The following GHR variants were observed in gnomAD, a reference collection of about 807,000 sequenced individuals.
GHR encodes growth hormone receptor.
Under a neutral mutation model 67.1 loss-of-function variants are expected in GHR, and 35 were observed. That is an observed-to-expected ratio of 0.52 (90% CI 0.40 to 0.69). The LOEUF (loss-of-function observed/expected upper bound fraction) is 0.69. Among genes scored for constraint, GHR ranks in the 30% least tolerant of loss-of-function variants. GHR has a pLI of 0.00. For missense variants in GHR, 792 were observed against 764.6 expected (o/e 1.04, Z -0.42); for synonymous variants, 272 against 269.1 (o/e 1.01, Z -0.10).
chr5:42,529,247 G>A (rs537903767), intron 1 of GHR, among the ~76,000 whole-genome samples: 32 of 152,164 alleles, frequency 2.1e-4, no homozygotes, highest in Admixed American at 1.6e-3. Flanking sequence ...TCCTGACCAC[G>A]TGATCCACCC....
intron 2 of GHR, among the ~76,000 whole-genome samples, chr5:42,627,676 G>T (rs1205646081): frequency 6.6e-6 from 1 of 152,238 alleles, no homozygotes. Context: ...ACGGTCAGGT[G>T]CAAAGGCTGG....
chr5:42,546,984 T>C (rs1462581553), intron 1 of GHR, among the ~76,000 whole-genome samples: 1 of 152,222 alleles, frequency 6.6e-6, no homozygotes, highest in African/African-American at 2.4e-5. Context: ...CAGGTGTTTA[T>C]GGACCACTGA....
chr5:42,546,423 G>A (rs1748733533), intron 1 of GHR, among the ~76,000 whole-genome samples: 1 of 152,286 alleles, frequency 6.6e-6, no homozygotes, highest in East Asian at 1.9e-4. Context: ...AGCAGGGTGA[G>A]GAGGGGAAGT....
chr5:42,476,852 C>G (rs1745347775), intron 1 of GHR, among the ~76,000 whole-genome samples: 1 of 152,096 alleles, frequency 6.6e-6, no homozygotes. Flanking sequence ...TCTTCTCACA[C>G]ACACTTGTGA....
intron 1 of GHR, among the ~76,000 whole-genome samples, chr5:42,445,799 T>C (rs1026210806): frequency 6.6e-6 from 1 of 152,160 alleles, no homozygotes; most frequent in African/African-American, 2.4e-5. Flanking sequence ...AAAGCAAAAT[T>C]TTTTTGTTGG....
At chr5:42,475,042 C>T (rs1011765217) in intron 1 of GHR, among the ~76,000 whole-genome samples, 1 of 151,910 alleles carries the variant, frequency 6.6e-6, no homozygotes, top group Non-Finnish European at 1.5e-5. Context: ...TGCCACCACA[C>T]CTGGCTAATT....
intron 2 of GHR, among the ~76,000 whole-genome samples, chr5:42,605,263 C>A (rs555435867): frequency 1.3e-5 from 2 of 151,878 alleles, no homozygotes; most frequent in South Asian, 4.2e-4. Context: ...ACCAACACGC[C>A]CGGCTAATTT....
At chr5:42,495,911 C>A (rs1746303931) in intron 1 of GHR, among the ~76,000 whole-genome samples, 1 of 152,164 alleles carries the variant, frequency 6.6e-6, no homozygotes, top group Admixed American at 6.5e-5. Flanking sequence ...TGCATGCCTT[C>A]TTTGGATACA....
intron 3 of GHR, among the ~76,000 whole-genome samples, chr5:42,641,127 T>C (rs1461973809): frequency 1.3e-5 from 2 of 152,122 alleles, no homozygotes; most frequent in Non-Finnish European, 2.9e-5. Context: ...TTCCTTTCCT[T>C]CCTCCTTCCC....
chr5:42,635,032 G>T (rs533271806), intron 3 of GHR, among the ~76,000 whole-genome samples: 2 of 152,014 alleles, frequency 1.3e-5, no homozygotes, highest in East Asian at 3.9e-4. Context: ...TTGAGCTTTG[G>T]ACAAGCAGTA....
intron 3 of GHR, among the ~76,000 whole-genome samples, chr5:42,644,428 T>C (rs55759342): frequency 0.014 from 2,143 of 152,220 alleles, 19 homozygotes; most frequent in Middle Eastern, 0.027. Flanking sequence ...GTCTGGTTTC[T>C]GCAATAACAG....
chr5:42,553,315 G>A (rs1212755258), intron 1 of GHR, among the ~76,000 whole-genome samples: 1 of 152,136 alleles, frequency 6.6e-6, no homozygotes, highest in Non-Finnish European at 1.5e-5. Flanking sequence ...CATGAACTGA[G>A]TTCCTTGTCA....
intron 2 of GHR, among the ~76,000 whole-genome samples, chr5:42,622,835 A>T (rs1344404940): frequency 6.6e-6 from 1 of 152,182 alleles, no homozygotes; most frequent in African/African-American, 2.4e-5. Context: ...AATCATTGCC[A>T]TAAGTAGATT....
chr5:42,552,012 T>C (rs1295496003), intron 1 of GHR, among the ~76,000 whole-genome samples: 1 of 152,242 alleles, frequency 6.6e-6, no homozygotes, highest in East Asian at 1.9e-4. Flanking sequence ...AAAGTTTATG[T>C]GTCTGTCCCT....
At chr5:42,563,624 C>CAAAAAAAAA (rs1168788232) in intron 1 of GHR, among the ~76,000 whole-genome samples, 8 of 45,080 alleles carry the variant, frequency 1.8e-4, no homozygotes, top group African/African-American at 4.3e-4. Flanking sequence ...GACTCCGTCT[C>CAAAAAAAAA]AAAAAAAAAA....
chr5:42,449,212 A>G (rs1246386677), intron 1 of GHR, among the ~76,000 whole-genome samples: 1 of 152,148 alleles, frequency 6.6e-6, no homozygotes, highest in African/African-American at 2.4e-5. Flanking sequence ...AAATTTGTAG[A>G]TTGCTTTTGG....
chr5:42,530,827 C>T (rs781265277), intron 1 of GHR, among the ~76,000 whole-genome samples: 4 of 152,118 alleles, frequency 2.6e-5, no homozygotes, highest in Non-Finnish European at 4.4e-5. Context: ...TCTAGATAAG[C>T]AGTTGAAACT....
intron 1 of GHR, among the ~76,000 whole-genome samples, chr5:42,511,306 G>A (rs1232569541): frequency 6.6e-6 from 1 of 152,084 alleles, no homozygotes; most frequent in East Asian, 1.9e-4. Flanking sequence ...CCCCAACAAC[G>A]TTCTCTACTT....
chr5:42,497,149 GTTA>G (rs1448673232), intron 1 of GHR, among the ~76,000 whole-genome samples: 1 of 152,144 alleles, frequency 6.6e-6, no homozygotes, highest in Non-Finnish European at 1.5e-5. Context: ...TCATTCCTAA[GTTA>G]CTTTAGCCTT....
Sources: gnomAD v4.1 joint callset for allele counts (sites outside exome capture counted in the v4.1 genomes callset) on GRCh38, gnomAD v4.1.1 for gene constraint, MANE v1.5 for transcripts, NCBI Gene and HGNC (gene_info 2026-07-23, HGNC 2026-07-21) for gene names.